Variants in OLFML2A observed in about 807,000 individuals in gnomAD.
The protein encoded by OLFML2A is olfactomedin-like protein 2A.
A neutral mutation model predicts 60.9 loss-of-function variants in OLFML2A; 47 were observed. That is an observed-to-expected ratio of 0.77 (90% confidence interval 0.61 to 0.98). The LOEUF (loss-of-function observed/expected upper bound fraction) is 0.98, where lower values mean the gene tolerates loss of function less well. OLFML2A is among the 50% of genes least tolerant of loss of function. The pLI is 0.00. For missense variants in OLFML2A, 922 were observed against 879.8 expected (o/e 1.05, Z -0.61); for synonymous variants, 372 against 375.0 (o/e 0.99, Z 0.09).
At chr9:124,784,664 C>T (rs1841424430) in intron 1 of OLFML2A, among the ~76,000 whole-genome samples, 1 of 152,158 alleles carries the variant, frequency 6.6e-6, no homozygotes, top group African/African-American at 2.4e-5. Flanking sequence ...ATTGTGCAAG[C>T]ATCACCACTA....
chr9:124,781,459 C>G lies in OLFML2A; in HGVS notation c.90+4099C>G, dbSNP rs564424899. On this transcript the variant is annotated intron_variant, in intron 1 of 7. Coordinates refer to ENST00000373580, the MANE Select transcript of OLFML2A (RefSeq NM_182487.4). Reference sequence around the variant, plus strand: ...GGGAGGTCTTTGCCTCATGGTGAGGCGGGGCTGGCCATGAGGAAAAAGGGC... The same window carrying G: ...GGGAGGTCTTTGCCTCATGGTGAGGGGGGGCTGGCCATGAGGAAAAAGGGC... Among the ~76,000 whole-genome samples, 90 of 152,152 alleles carry G rather than the reference C, an allele frequency of 5.9e-4. 1 individual carries two copies. The South Asian group carries it at 0.018, about 31-fold the overall frequency.
At chr9:124,778,865 C>G in intron 1 of OLFML2A, 1 of 539,532 alleles carries the variant, frequency 1.9e-6, no homozygotes, top group Non-Finnish European at 2.4e-6. Flanking sequence ...AGGACCAGAG[C>G]CCTGGTCACA....
intron 2 of OLFML2A, among the ~76,000 whole-genome samples, chr9:124,792,662 C>T (rs964744977): frequency 2.0e-5 from 3 of 152,158 alleles, no homozygotes; most frequent in Non-Finnish European, 2.9e-5. Context: ...GAGGGACCCT[C>T]GCCAAAGCCA....
chr9:124,786,924 T>C, intron 1 of OLFML2A, 51 bp from the exon 2 acceptor site: 1 of 1,563,726 alleles, frequency 6.4e-7, no homozygotes. Flanking sequence ...CTCCCTGCCA[T>C]AGCACTGCCT....
intron 4 of OLFML2A, chr9:124,801,084 T>C (rs767594484): frequency 8.2e-5 from 127 of 1,547,434 alleles, no homozygotes; most frequent in Non-Finnish European, 9.8e-5. Context: ...GGTGAGCAGG[T>C]GGAGGAGGCT....
intron 2 of OLFML2A, among the ~76,000 whole-genome samples, chr9:124,789,558 G>T (rs889785603): frequency 6.6e-6 from 1 of 152,210 alleles, no homozygotes; most frequent in Admixed American, 6.6e-5. Flanking sequence ...GGGCACCAAG[G>T]ATGCCTGCCC....
chr9:124,810,259 C>T lies in OLFML2A; in HGVS notation c.1806C>T (p.Phe602=), dbSNP rs1174293407. The stretch of plus-strand genomic sequence containing the variant: ...AGGAAGGCCAGGTCGCCTACGCTTT[C>T]GACACGCACACGGGCACCGACGCAC... ...NQQEGQVAYA[F]DTHTGTDARP... The change falls in exon 8 of 8, where the codon TTC becomes TTT. Residue 602 remains phenylalanine, a synonymous_variant. Coordinates refer to ENST00000373580, the MANE Select transcript of OLFML2A (RefSeq NM_182487.4). The T allele has an allele frequency of 3.7e-6, 6 of 1,612,318 alleles. No individual in the cohort carries two copies. The highest frequency in any genetic ancestry group is 1.7e-5 in the Admixed American group (1 of 60,026).
chr9:124,801,510 C>T lies in OLFML2A; in HGVS notation c.766C>T (p.Leu256=), dbSNP rs1283869715. The change falls in exon 5 of 8, where the codon CTG becomes TTG. Residue 256 remains leucine, a synonymous_variant. Transcript: ENST00000373580. ...RGLPKPPKEK[L]LQVEKLRKES... ...CCTCCCAAAACCTCCCAAGGAGAAG[C>T]TGCTTCAGGTGGAGAAGCTGAGAAA... 6.2e-7 allele frequency: 1 copy of T among 1,614,158 alleles called. No individual in the cohort carries two copies. The highest frequency in any genetic ancestry group is 1.7e-5 in the Admixed American group (1 of 60,010).
At position 124,810,270 on chromosome 9, in the gene OLFML2A, C is replaced by T. The variant is rs141355595; in HGVS notation, c.1817C>T (p.Thr606Met). The change falls in exon 8 of 8, where the codon ACG (threonine) becomes ATG (methionine). Residue 606 changes from threonine to methionine, a missense_variant. Thr to Met is a moderately conservative substitution (Grantham distance 81). Transcript: ENST00000373580. ...GTCGCCTACGCTTTCGACACGCACA[C>T]GGGCACCGACGCACGCCCCCAGCTG... is the stretch of plus-strand genomic sequence containing the variant. ...GQVAYAFDTH[T>M]GTDARPQLPF... is the part of the protein sequence containing the mutation. 3,838 of 1,611,134 alleles carry T rather than the reference C, an allele frequency of 2.4e-3. 7 individuals carry two copies. Among genetic ancestry groups the T allele is most frequent in the Non-Finnish European group, 2.7e-3 (3,186 of 1,179,986 alleles).
chr9:124,785,505 C>T (rs1841452384), intron 1 of OLFML2A, among the ~76,000 whole-genome samples: 3 of 143,726 alleles, frequency 2.1e-5, no homozygotes, highest in Non-Finnish European at 4.5e-5. Flanking sequence ...TCATGCCATT[C>T]TCCTGCCTCA....
intron 6 of OLFML2A, among the ~76,000 whole-genome samples, chr9:124,806,452 G>A (rs1296115191): frequency 6.6e-6 from 1 of 151,814 alleles, no homozygotes; most frequent in Non-Finnish European, 1.5e-5. Context: ...CAAAATTCAA[G>A]TATACAGTAT....
chr9:124,808,048 C>A, intron 7 of OLFML2A, 82 bp downstream of exon 7: 1 of 1,072,680 alleles, frequency 9.3e-7, no homozygotes, highest in Non-Finnish European at 1.4e-6. Context: ...GCCTTCCTTG[C>A]CTTGTGGGTT....
At chr9:124,783,081 C>T (rs375394327) in intron 1 of OLFML2A, among the ~76,000 whole-genome samples, 9 of 152,120 alleles carry the variant, frequency 5.9e-5, no homozygotes, top group African/African-American at 2.2e-4. Flanking sequence ...CAGAGTTACA[C>T]TTCACCCACC....
intron 7 of OLFML2A, 108 bp downstream of exon 7, chr9:124,808,074 G>A: frequency 1.2e-6 from 1 of 825,228 alleles, no homozygotes. Context: ...GGTATAGGCT[G>A]GTTGAGCTCC....
chr9:124,801,740 T>G, intron 5 of OLFML2A, 77 bp downstream of exon 5: 1 of 1,461,248 alleles, frequency 6.8e-7, no homozygotes, highest in Non-Finnish European at 9.3e-7. Flanking sequence ...TTCTCTGCAG[T>G]GGGACCACCC....
rs111369507 is a variant in OLFML2A at position 124,812,162 on chromosome 9, CT to C, written c.*1765del. The C allele has an allele frequency of 4.6e-3, 647 of 139,874 alleles. No individual in the cohort carries two copies. Among genetic ancestry groups the C allele is most frequent in the Non-Finnish European group, 4.2e-3 (265 of 63,850 alleles). The allele number at this position is 139,874 out of a possible 1,614,324, so 8.7% of individuals were successfully genotyped here. On this transcript the variant is annotated 3_prime_UTR_variant, in exon 8 of 8. Transcript: ENST00000373580. ...AGAGTGTAAGAGTGTAAAGAAATGC[CT>C]TTTTTTTTTTTTTTGAGTTGGAGTT...
In OLFML2A at chr9:124,809,951, G is replaced by T; in HGVS notation, c.1498G>T (p.Ala500Ser). ...DLRQRFVASW[A>S]LLPDVVYEDT... Reference sequence around the variant, plus strand: ...ACGGCAGCGCTTCGTGGCCTCCTGGGCGCTGCTGCCCGACGTGGTATATGA... The same window carrying T: ...ACGGCAGCGCTTCGTGGCCTCCTGGTCGCTGCTGCCCGACGTGGTATATGA... The change falls in exon 8 of 8, where the codon GCG becomes TCG. Residue 500 changes from alanine (A) to serine (S), a missense_variant. Ala to Ser is a moderately conservative substitution (Grantham distance 99, BLOSUM62 1). Coordinates refer to ENST00000373580, the MANE Select transcript of OLFML2A (RefSeq NM_182487.4). The T allele has an allele frequency of 6.2e-7, 1 of 1,614,198 alleles. No homozygotes were observed. The highest frequency in any genetic ancestry group is 1.1e-5 in the South Asian group (1 of 91,082).
intron 2 of OLFML2A, among the ~76,000 whole-genome samples, chr9:124,788,301 C>A (rs1449290067): frequency 4.9e-5 from 7 of 142,328 alleles, no homozygotes; most frequent in African/African-American, 7.8e-5. Context: ...GACTCGGTCT[C>A]AAAAAAAAAA....
At position 124,777,307 on chromosome 9, in the gene OLFML2A, C is replaced by T. The variant is rs957354156; in HGVS notation, c.37C>T (p.Leu13Phe). The change falls in exon 1 of 8, where the codon CTT (leucine) becomes TTT (phenylalanine). Residue 13 changes from leucine to phenylalanine, a missense_variant. Coordinates refer to ENST00000373580, the MANE Select transcript of OLFML2A (RefSeq NM_182487.4). The surrounding 1 kb of genome is among the most constrained non-coding windows in gnomAD (Gnocchi z 6.2). The stretch of plus-strand genomic sequence containing the variant: ...CGCCCTCCCGCCCCGGCCGCTGCTC[C>T]TTCTGCCGCTAGTGCTGCTGCTGAG... ...AAALPPRPLLLLPLVLLLSGR... is the reference protein window; with the variant it reads ...AAALPPRPLLFLPLVLLLSGR... 5.4e-6 allele frequency: 7 copies of T among 1,293,986 alleles called. No homozygotes were observed. The Admixed American group carries it at 2.2e-4, about 40-fold the overall frequency. 80.2% of individuals were successfully genotyped at this position (1,293,986 alleles called of 1,614,324 possible). A position where few individuals can be genotyped will look rare whatever the true frequency, so the allele number is the denominator to read the frequency against.
Sources: gnomAD v4.1 joint callset for allele counts (sites outside exome capture counted in the v4.1 genomes callset) on GRCh38, gnomAD v4.1.1 for gene constraint, Gnocchi (gnomAD v3.1) non-coding constraint, MANE v1.5 for transcripts, NCBI Gene and HGNC (gene_info 2026-07-23, HGNC 2026-07-21) for gene names.